Variants in PCDHA1 observed in about 807,000 individuals in gnomAD.
PCDHA1 encodes the protein protocadherin alpha 1, also known as protocadherin alpha-1.
In PCDHA1, 42 loss-of-function variants were observed where a neutral mutation model predicts 61.3. The observed-to-expected ratio is 0.69, with a 90% CI of 0.54 to 0.89. The LOEUF is 0.89. Ranked by LOEUF, PCDHA1 falls within the 40% of genes least tolerant of loss-of-function variation. The pLI is 0.00. For synonymous variants in PCDHA1, 610 were observed against 553.8 expected (o/e 1.10, Z -1.43); for missense variants, 1,256 against 1,235.3 (o/e 1.02, Z -0.25).
At chr5:140,899,111 A>G (rs2067143820) in intron 1 of PCDHA1, among the ~76,000 whole-genome samples, 1 of 152,186 alleles carries the variant, frequency 6.6e-6, no homozygotes, top group Admixed American at 6.5e-5. Context: ...GGGGTTTTCT[A>G]GATATACAAT....
chr5:140,910,808 G>A (rs535429898), intron 1 of PCDHA1, among the ~76,000 whole-genome samples: 1 of 152,170 alleles, frequency 6.6e-6, no homozygotes, highest in South Asian at 2.1e-4. Flanking sequence ...TGCTTAGTGG[G>A]CCCAAATCAA....
At chr5:140,850,454 C>T (rs2150484793) in intron 1 of PCDHA1, 2 of 1,597,838 alleles carry the variant, frequency 1.3e-6, no homozygotes, top group Admixed American at 1.7e-5. Context: ...TGGTGAAAGA[C>T]CACGGGGAGC....
chr5:140,882,886 G>C, intron 1 of PCDHA1: 1 of 1,614,200 alleles, frequency 6.2e-7, no homozygotes, highest in Non-Finnish European at 8.5e-7. Context: ...AGGAAATTCA[G>C]GAACATAGTT....
intron 1 of PCDHA1, chr5:140,843,933 G>A: frequency 1.7e-6 from 1 of 576,250 alleles, no homozygotes. Context: ...CTCAAGTTAT[G>A]GTTGGATGAT....
Position 140,857,497 on chromosome 5 carries a change from G to T in PCDHA1, c.2394+68813G>T, listed in dbSNP as rs1473016176. Reference sequence around the variant, plus strand: ...CGGTGTCTGCGTGGGACGCGGACGCGCAGGAGAACGCCCTGGTGTCCTACT... The same window carrying T: ...CGGTGTCTGCGTGGGACGCGGACGCTCAGGAGAACGCCCTGGTGTCCTACT... On this transcript the variant is annotated intron_variant, in intron 1 of 3. Coordinates refer to ENST00000504120, the MANE Select transcript of PCDHA1 (RefSeq NM_018900.4). 10 of 1,598,150 alleles carry T rather than the reference G, an allele frequency of 6.3e-6. 1 individual carries two copies. The highest frequency in any genetic ancestry group is 5.4e-5 in the African/African-American group (4 of 74,450).
chr5:140,856,728 T>A (rs782022822), intron 1 of PCDHA1: 1 of 1,595,848 alleles, frequency 6.3e-7, no homozygotes, highest in Middle Eastern at 1.7e-4. Flanking sequence ...TCTGTTTCTC[T>A]GCTGATCCTG....
chr5:140,883,068 C>T lies in PCDHA1; in HGVS notation c.2394+94384C>T, dbSNP rs782726947. The stretch of plus-strand genomic sequence containing the variant: ...ACATTAGTGATCAAGCTAAATGCCA[C>T]AGATCCTGATGATGGTACAAATGGA... On this transcript the variant is annotated intron_variant, in intron 1 of 3. Coordinates refer to ENST00000504120, the MANE Select transcript of PCDHA1 (RefSeq NM_018900.4). The T allele has an allele frequency of 1.4e-5, 23 of 1,614,130 alleles. No homozygotes were observed. The highest frequency in any genetic ancestry group is 1.9e-5 in the Non-Finnish European group (23 of 1,180,028).
intron 1 of PCDHA1, among the ~76,000 whole-genome samples, chr5:140,960,080 A>G: frequency 6.6e-6 from 1 of 152,360 alleles, no homozygotes; most frequent in South Asian, 2.1e-4. Context: ...GAAGTTTCTA[A>G]AAGAGAAAGA....
At chr5:140,911,909 C>G (rs113000456) in intron 1 of PCDHA1, among the ~76,000 whole-genome samples, 17,713 of 152,106 alleles carry the variant, frequency 0.12, 1,155 homozygotes, top group Middle Eastern at 0.19. Flanking sequence ...TCAGAGCTCT[C>G]TAGAGGACAG....
chr5:140,874,953 G>C (rs2055192015), intron 1 of PCDHA1, among the ~76,000 whole-genome samples: 1 of 152,212 alleles, frequency 6.6e-6, no homozygotes, highest in Admixed American at 6.5e-5. Flanking sequence ...GGAATTGTAA[G>C]CTATATAAGG....
chr5:140,808,822 G>A, intron 1 of PCDHA1: 1 of 1,612,910 alleles, frequency 6.2e-7, no homozygotes, highest in Non-Finnish European at 8.5e-7. Context: ...TGCCACCTCT[G>A]GGCAGCAACG....
At chr5:140,792,760 G>T (rs893599450) in intron 1 of PCDHA1, among the ~76,000 whole-genome samples, 29 of 152,124 alleles carry the variant, frequency 1.9e-4, no homozygotes, top group African/African-American at 6.8e-4. Flanking sequence ...GTCAACAGTG[G>T]TCAATGTTGG....
chr5:140,834,202 A>G, intron 1 of PCDHA1: 6 of 612,742 alleles, frequency 9.8e-6, no homozygotes, highest in Non-Finnish European at 1.7e-5. Flanking sequence ...CTTTACCGCA[A>G]ATTCTTTCGT....
chr5:140,950,694 T>C (rs1361506103), intron 1 of PCDHA1, among the ~76,000 whole-genome samples: 4 of 152,104 alleles, frequency 2.6e-5, no homozygotes, highest in African/African-American at 9.7e-5. Flanking sequence ...TAACCAAATT[T>C]GACAAATTTT....
At chr5:140,912,679 T>C (rs367681467) in intron 1 of PCDHA1, among the ~76,000 whole-genome samples, 6 of 152,216 alleles carry the variant, frequency 3.9e-5, no homozygotes, top group African/African-American at 1.4e-4. Context: ...CCTTGACTTA[T>C]TCCAGGTCTC....
chr5:140,852,008 A>G (rs566042388), intron 1 of PCDHA1: 1 of 972,776 alleles, frequency 1.0e-6, no homozygotes, highest in South Asian at 4.8e-5. Flanking sequence ...TTTCTAATTT[A>G]TAGTTTTAAA....
chr5:140,878,350 T>C (rs932815141), intron 1 of PCDHA1, among the ~76,000 whole-genome samples: 1 of 152,250 alleles, frequency 6.6e-6, no homozygotes, highest in Non-Finnish European at 1.5e-5. Context: ...CACAATAATA[T>C]AAATGATATG....
At chr5:140,920,501 A>G (rs1404369467) in intron 1 of PCDHA1, among the ~76,000 whole-genome samples, 1 of 152,194 alleles carries the variant, frequency 6.6e-6, no homozygotes, top group Non-Finnish European at 1.5e-5. Context: ...AGAGTTCTAC[A>G]TACTGTTTTA....
At chr5:140,795,467 T>G in intron 1 of PCDHA1, 2 of 1,614,134 alleles carry the variant, frequency 1.2e-6, no homozygotes, top group Non-Finnish European at 1.7e-6. Context: ...AATGCTCTTC[T>G]CTCCTACAAG....
Sources: gnomAD v4.1 joint callset for allele counts (sites outside exome capture counted in the v4.1 genomes callset) on GRCh38, gnomAD v4.1.1 for gene constraint, MANE v1.5 for transcripts, NCBI Gene and HGNC (gene_info 2026-07-23, HGNC 2026-07-21) for gene names.